The following KCNIP4 variants were observed in gnomAD, a reference collection of about 807,000 sequenced individuals.
The protein encoded by KCNIP4 is potassium voltage-gated channel interacting protein 4, also known as Kv channel-interacting protein 4.
KCNIP4 carries 12 observed loss-of-function variants against 34.0 expected under a neutral mutation model. That is an observed-to-expected ratio of 0.35 (90% confidence interval 0.23 to 0.57). KCNIP4 has a LOEUF of 0.57. Ranked by LOEUF, KCNIP4 falls within the 20% of genes least tolerant of loss-of-function variation. The pLI is 0.83. For missense variants in KCNIP4, 238 were observed against 311.7 expected (o/e 0.76, Z 1.78); for synonymous variants, 124 against 102.2 (o/e 1.21, Z -1.29).
At chr4:21,330,178 A>G (rs1357521540) in intron 1 of KCNIP4, among the ~76,000 whole-genome samples, 1 of 152,218 alleles carries the variant, frequency 6.6e-6, no homozygotes, top group Non-Finnish European at 1.5e-5. Context: ...TTCAAAAGTA[A>G]TCATAATTGC....
chr4:21,941,652 T>A (rs1708520902), intron 1 of KCNIP4, among the ~76,000 whole-genome samples: 1 of 152,140 alleles, frequency 6.6e-6, no homozygotes, highest in Admixed American at 6.5e-5. Flanking sequence ...CATTTTTACC[T>A]AAATAAATAA....
At chr4:20,811,814 A>G (rs1715803175) in intron 3 of KCNIP4, among the ~76,000 whole-genome samples, 1 of 152,196 alleles carries the variant, frequency 6.6e-6, no homozygotes, top group Non-Finnish European at 1.5e-5. Flanking sequence ...GGTTCCTTTC[A>G]TGAAGTTGCT....
At chr4:21,025,624 C>G (rs868623358) in intron 1 of KCNIP4, among the ~76,000 whole-genome samples, 27 of 122,776 alleles carry the variant, frequency 2.2e-4, no homozygotes, top group South Asian at 5.6e-4. Flanking sequence ...TGCGATTTCG[C>G]CTCACTGCCA....
intron 1 of KCNIP4, among the ~76,000 whole-genome samples, chr4:21,639,921 C>A (rs890556733): frequency 6.6e-6 from 1 of 152,150 alleles, no homozygotes; most frequent in African/African-American, 2.4e-5. Flanking sequence ...CAGTGACATG[C>A]TTGTATCTTC....
intron 1 of KCNIP4, among the ~76,000 whole-genome samples, chr4:21,383,754 A>G (rs1048442615): frequency 6.6e-6 from 1 of 152,126 alleles, no homozygotes; most frequent in African/African-American, 2.4e-5. Context: ...TGTCCCTACT[A>G]CGCTGTATCA....
chr4:21,913,623 A>G (rs151292869), intron 1 of KCNIP4, among the ~76,000 whole-genome samples: 213 of 152,326 alleles, frequency 1.4e-3, no homozygotes, highest in African/African-American at 5.0e-3. Flanking sequence ...CAAGCATTGA[A>G]CTAGGATTTG....
At chr4:21,211,637 A>G (rs139663803) in intron 1 of KCNIP4, among the ~76,000 whole-genome samples, 3 of 152,240 alleles carry the variant, frequency 2.0e-5, no homozygotes, top group Non-Finnish European at 2.9e-5. Flanking sequence ...CTGCTGCCCT[A>G]TGACATCTAA....
intron 1 of KCNIP4, among the ~76,000 whole-genome samples, chr4:21,604,802 A>G (rs1005548409): frequency 6.6e-6 from 1 of 152,096 alleles, no homozygotes; most frequent in Non-Finnish European, 1.5e-5. Flanking sequence ...TCTTTTGAAA[A>G]TCACTGTGGG....
chr4:21,309,466 T>C (rs1289584739), intron 1 of KCNIP4, among the ~76,000 whole-genome samples: 5 of 152,218 alleles, frequency 3.3e-5, no homozygotes, highest in African/African-American at 4.8e-5. Flanking sequence ...AATATATCTA[T>C]GTACTCACAA....
chr4:21,194,009 T>G (rs1755872916), intron 1 of KCNIP4, among the ~76,000 whole-genome samples: 3 of 152,194 alleles, frequency 2.0e-5, no homozygotes, highest in Non-Finnish European at 4.4e-5. Flanking sequence ...CACGGCAATT[T>G]GAATGGCTAT....
intron 1 of KCNIP4, among the ~76,000 whole-genome samples, chr4:21,703,907 G>A (rs1264115445): frequency 6.6e-6 from 1 of 152,170 alleles, no homozygotes; most frequent in Non-Finnish European, 1.5e-5. Flanking sequence ...CTTGAAATCA[G>A]GTAGAATGAC....
chr4:21,846,818 C>T (rs546903274), intron 1 of KCNIP4: 8 of 152,184 alleles, frequency 5.3e-5, no homozygotes, highest in African/African-American at 1.4e-4. Context: ...AAGTGGCAAC[C>T]CCAGATCCCT....
intron 2 of KCNIP4, among the ~76,000 whole-genome samples, chr4:20,864,422 C>G (rs979465806): frequency 6.6e-6 from 1 of 151,132 alleles, no homozygotes; most frequent in Non-Finnish European, 1.5e-5. Context: ...TATACATACA[C>G]TCATAAAATC....
At chr4:20,984,205 C>T (rs1329354421) in intron 1 of KCNIP4, among the ~76,000 whole-genome samples, 1 of 152,204 alleles carries the variant, frequency 6.6e-6, no homozygotes, top group Non-Finnish European at 1.5e-5. Flanking sequence ...AGCCAGCGGG[C>T]GAGTACTTCG....
chr4:21,767,746 C>A (rs73800726), intron 1 of KCNIP4, among the ~76,000 whole-genome samples: 22,444 of 151,844 alleles, frequency 0.15, 5,572 homozygotes, highest in African/African-American at 0.51. Context: ...CTAATAAGCA[C>A]AGAATTTGAT....
chr4:21,269,363 T>A (rs1762002969), intron 1 of KCNIP4, among the ~76,000 whole-genome samples: 2 of 152,172 alleles, frequency 1.3e-5, no homozygotes, highest in South Asian at 4.1e-4. Flanking sequence ...TCTGTCTCTA[T>A]GTTTTTCACT....
intron 1 of KCNIP4, among the ~76,000 whole-genome samples, chr4:21,240,633 A>G (rs79679448): frequency 4.1e-4 from 62 of 152,258 alleles, no homozygotes; most frequent in African/African-American, 1.4e-3. Flanking sequence ...AAGAAATCCT[A>G]GATAGGGTAC....
intron 1 of KCNIP4, among the ~76,000 whole-genome samples, chr4:20,963,912 A>T (rs774538103): frequency 1.3e-5 from 2 of 152,148 alleles, no homozygotes; most frequent in Non-Finnish European, 2.9e-5. Flanking sequence ...TATATATAAA[A>T]AAAAAGATGG....
chr4:21,596,022 C>T (rs1230768241), intron 1 of KCNIP4, among the ~76,000 whole-genome samples: 1 of 152,076 alleles, frequency 6.6e-6, no homozygotes, highest in Non-Finnish European at 1.5e-5. Context: ...AATAAATCCC[C>T]AAATTTGCAT....
Sources: allele counts gnomAD v4.1 joint callset (sites outside exome capture counted in the v4.1 genomes callset), GRCh38; gene constraint gnomAD v4.1.1; transcripts MANE v1.5; gene names NCBI Gene and HGNC (gene_info 2026-07-23, HGNC 2026-07-21).